RBFOX1: variants seen among roughly 807,000 people sequenced by gnomAD.
RBFOX1 encodes RNA binding protein fox-1 homolog 1.
A neutral mutation model predicts 57.7 loss-of-function variants in RBFOX1; 8 were observed. The observed-to-expected ratio is 0.14, with a 90% confidence interval of 0.08 to 0.25. RBFOX1 has a LOEUF of 0.25. Among genes scored for constraint, RBFOX1 ranks in the 10% least tolerant of loss-of-function variants. RBFOX1 has a pLI of 1.00. For synonymous variants in RBFOX1, 326 were observed against 222.4 expected, an observed-to-expected ratio of 1.47 and a Z score of -4.15; for missense variants, 611 against 548.5, an observed-to-expected ratio of 1.11 and a Z score of -1.14.
chr16:7,570,623 A>G (rs1406714493), intron 5 of RBFOX1, among the ~76,000 whole-genome samples: 1 of 152,226 alleles, frequency 6.6e-6, no homozygotes, highest in African/African-American at 2.4e-5. Context: ...CTACCTAGCC[A>G]TAAATATTCC....
At chr16:7,031,532 G>C (rs2042788530) in intron 3 of RBFOX1, among the ~76,000 whole-genome samples, 1 of 151,840 alleles carries the variant, frequency 6.6e-6, no homozygotes, top group Non-Finnish European at 1.5e-5. Context: ...TAAGGTGGAG[G>C]CTGCAGTGAG....
intron 2 of RBFOX1, among the ~76,000 whole-genome samples, chr16:6,621,874 T>C (rs2098237810): frequency 6.6e-6 from 1 of 152,148 alleles, no homozygotes; most frequent in South Asian, 2.1e-4. Context: ...AGGTTTGTGC[T>C]CAGTGTGTTA....
chr16:5,857,650 T>C (rs969356027), intron 3 of RBFOX1, among the ~76,000 whole-genome samples: 1 of 152,136 alleles, frequency 6.6e-6, no homozygotes, highest in Non-Finnish European at 1.5e-5. Flanking sequence ...TACCTATTTT[T>C]TCCATTATAG....
At chr16:7,443,760 T>C (rs1385691052) in intron 4 of RBFOX1, among the ~76,000 whole-genome samples, 1 of 152,192 alleles carries the variant, frequency 6.6e-6, no homozygotes, top group Non-Finnish European at 1.5e-5. Flanking sequence ...CTTTGAGAGT[T>C]GCCCAGAAGA....
At chr16:6,675,369 A>C (rs2057456617) in intron 3 of RBFOX1, among the ~76,000 whole-genome samples, 1 of 149,316 alleles carries the variant, frequency 6.7e-6, no homozygotes, top group East Asian at 2.0e-4. Context: ...CCAATTTCTC[A>C]TTTTTTTTTT....
intron 1 of RBFOX1, among the ~76,000 whole-genome samples, chr16:5,354,862 T>C (rs1243494176): frequency 6.6e-6 from 1 of 152,230 alleles, no homozygotes; most frequent in African/African-American, 2.4e-5. Context: ...GCCAGGCAGC[T>C]GTGGAGGGTG....
rs2096256581 is a variant in RBFOX1, at chr16:6,097,270, C to T, written c.-127+77278C>T. On this transcript the variant is annotated intron_variant, in intron 1 of 15. Coordinates refer to ENST00000550418, the MANE Select transcript of RBFOX1 (RefSeq NM_018723.4). This position sits in a 1 kb window ranked among gnomAD's most constrained non-coding sequence, Gnocchi z 5.0. Reference sequence around the variant, plus strand: ...TTTTTGTTTATAAATTACTCAGTCTCATGTATGTCTTTATCAGCAGCATAA... The same window carrying T: ...TTTTTGTTTATAAATTACTCAGTCTTATGTATGTCTTTATCAGCAGCATAA... Among the ~76,000 whole-genome samples, 1 of 152,180 alleles carries T rather than the reference C, an allele frequency of 6.6e-6. No individual in the cohort carries two copies. Among genetic ancestry groups the T allele is most frequent in the Admixed American group, 6.5e-5 (1 of 15,286 alleles).
At chr16:6,335,711 G>C (rs1300893272) in intron 2 of RBFOX1, among the ~76,000 whole-genome samples, 4 of 145,568 alleles carry the variant, frequency 2.7e-5, no homozygotes, top group African/African-American at 1.0e-4. Flanking sequence ...CCGGGAGCCG[G>C]AGATTGCAGT....
At chr16:5,896,189 G>A (rs1256367071) in intron 4 of RBFOX1, among the ~76,000 whole-genome samples, 3 of 152,106 alleles carry the variant, frequency 2.0e-5, no homozygotes, top group African/African-American at 7.2e-5. Flanking sequence ...CCCCACAGCT[G>A]GTCTCATCTA....
intron 3 of RBFOX1, among the ~76,000 whole-genome samples, chr16:7,032,746 G>A (rs2043140003): frequency 1.3e-5 from 2 of 151,944 alleles, no homozygotes; most frequent in African/African-American, 2.4e-5. Context: ...TTTTGTTGTC[G>A]GTGGCAAATT....
At chr16:6,165,610 G>C (rs118017745) in intron 1 of RBFOX1, among the ~76,000 whole-genome samples, 1 of 152,326 alleles carries the variant, frequency 6.6e-6, no homozygotes, top group South Asian at 2.1e-4. Flanking sequence ...ATGTCAGGGT[G>C]TTGTAGCTGG....
chr16:6,168,124 A>G (rs2096931189), intron 1 of RBFOX1, among the ~76,000 whole-genome samples: 1 of 152,172 alleles, frequency 6.6e-6, no homozygotes, highest in Admixed American at 6.5e-5. Context: ...TTGCATTTTA[A>G]TTCGTTTTCC....
chr16:7,357,765 A>C (rs2146383244), intron 4 of RBFOX1, among the ~76,000 whole-genome samples: 1 of 151,610 alleles, frequency 6.6e-6, no homozygotes, highest in African/African-American at 2.4e-5. Context: ...TGGTGCTTTA[A>C]CTCTTTATTT....
At chr16:6,338,818 G>C (rs1193659692) in intron 2 of RBFOX1, among the ~76,000 whole-genome samples, 1 of 152,206 alleles carries the variant, frequency 6.6e-6, no homozygotes, top group African/African-American at 2.4e-5. Context: ...TGAACCTGTA[G>C]AAATGTATCC....
chr16:5,743,589 AT>A (rs1291067383), intron 3 of RBFOX1, among the ~76,000 whole-genome samples: 10 of 152,148 alleles, frequency 6.6e-5, no homozygotes, highest in Non-Finnish European at 1.2e-4. Flanking sequence ...TTTAAAAGTA[AT>A]TTTCCTGTTT....
intron 3 of RBFOX1, among the ~76,000 whole-genome samples, chr16:7,047,716 C>CTTTTTTT (rs55636828): frequency 5.0e-4 from 24 of 47,900 alleles, no homozygotes; most frequent in African/African-American, 8.0e-4. Context: ...TCCTGCATTT[C>CTTTTTTT]TTTTTTTTTT....
At chr16:6,893,698 A>T (rs1266241587) in intron 3 of RBFOX1, among the ~76,000 whole-genome samples, 1 of 152,222 alleles carries the variant, frequency 6.6e-6, no homozygotes, top group Non-Finnish European at 1.5e-5. Flanking sequence ...GTGGAAACTA[A>T]AATATCTTTT....
intron 3 of RBFOX1, among the ~76,000 whole-genome samples, chr16:6,730,587 G>C (rs1568383636): frequency 1.3e-5 from 2 of 152,114 alleles, no homozygotes; most frequent in South Asian, 4.1e-4. Flanking sequence ...TCCTGAAAAA[G>C]GGATTGGATT....
chr16:7,071,506 G>A (rs1279649234), intron 4 of RBFOX1, among the ~76,000 whole-genome samples: 2 of 151,628 alleles, frequency 1.3e-5, no homozygotes, highest in Non-Finnish European at 1.5e-5. Context: ...TTGGATTTTT[G>A]AATAGATTTG....
Sources: allele counts gnomAD v4.1 joint callset (sites outside exome capture counted in the v4.1 genomes callset), GRCh38; gene constraint gnomAD v4.1.1; non-coding constraint Gnocchi (gnomAD v3.1); transcripts MANE v1.5; gene names NCBI Gene and HGNC (gene_info 2026-07-23, HGNC 2026-07-21).